The following C6orf89 variants were observed in gnomAD, a reference collection of about 807,000 sequenced individuals.
The protein encoded by C6orf89 is chromosome 6 open reading frame 89.
Under a neutral mutation model 40.7 loss-of-function variants are expected in C6orf89, and 29 were observed. The observed-to-expected ratio is 0.71, with a 90% CI of 0.53 to 0.97. The LOEUF is 0.97. Among genes scored for constraint, C6orf89 ranks in the 50% least tolerant of loss-of-function variants. The pLI, the probability that C6orf89 is intolerant of heterozygous loss-of-function variation, is 0.00. For missense variants in C6orf89, 392 were observed against 429.1 expected, an observed-to-expected ratio of 0.91 and a Z score of 0.76; for synonymous variants, 165 against 152.2, an observed-to-expected ratio of 1.08 and a Z score of -0.62.
intron 1 of C6orf89, among the ~76,000 whole-genome samples, chr6:36,887,577 T>A (rs1430833705): frequency 6.6e-6 from 1 of 152,174 alleles, no homozygotes; most frequent in African/African-American, 2.4e-5. Context: ...GACTAGGCTT[T>A]TTAGGCAGAG....
chr6:36,871,934 T>G, exon 1 of C6orf89: 1 of 1,416,006 alleles, frequency 7.1e-7, no homozygotes. Context: ...AGGAGTATTA[T>G]GGAACTGCTC....
chr6:36,917,316 C>T, intron 7 of C6orf89, among the ~76,000 whole-genome samples: 1 of 152,192 alleles, frequency 6.6e-6, no homozygotes, highest in Non-Finnish European at 1.5e-5. Context: ...AAAGCCCACT[C>T]TGCCCCCATC....
chr6:36,915,056 G>T (rs1762266925), intron 6 of C6orf89, among the ~76,000 whole-genome samples: 1 of 152,114 alleles, frequency 6.6e-6, no homozygotes, highest in Non-Finnish European at 1.5e-5. Flanking sequence ...AGAAATACCT[G>T]CAAAACAGTA....
chr6:36,898,225 G>C (rs1051208250), intron 2 of C6orf89, among the ~76,000 whole-genome samples: 1 of 151,780 alleles, frequency 6.6e-6, no homozygotes, highest in African/African-American at 2.4e-5. Context: ...TGGGACTACA[G>C]GTGTGTGCCA....
intron 1 of C6orf89, among the ~76,000 whole-genome samples, chr6:36,876,024 C>A (rs1031152480): frequency 2.6e-5 from 4 of 152,224 alleles, no homozygotes; most frequent in African/African-American, 9.6e-5. Flanking sequence ...GAACGGAACA[C>A]TACATTTTAA....
At chr6:36,901,312 A>ATTTTTTTTTTTTT (rs1554136270) in intron 3 of C6orf89, among the ~76,000 whole-genome samples, 1 of 64,664 alleles carries the variant, frequency 1.5e-5, no homozygotes, top group African/African-American at 6.6e-5. Context: ...TATTATTATT[A>ATTTTTTTTTTTTT]TTATTATTAT....
In C6orf89 at chr6:36,916,427, T is replaced by C. The variant is rs80341332; in HGVS notation, c.696-18T>C. On this transcript the variant is annotated intron_variant, in intron 6 of 8. Transcript: ENST00000480824. ...TTGACCAGTTTAATTACTTTTTTTCTGTTTCATACTTCTACAGGAGGAGAC... is the reference window on the plus strand; with the variant it reads ...TTGACCAGTTTAATTACTTTTTTTCCGTTTCATACTTCTACAGGAGGAGAC... 8.7e-6 allele frequency: 14 copies of C among 1,613,222 alleles called. No individual in the cohort carries two copies. Among genetic ancestry groups the C allele is most frequent in the Non-Finnish European group, 1.2e-5 (14 of 1,179,356 alleles).
Position 36,901,447 on chromosome 6 carries a change from G to A in C6orf89, c.190-774G>A, listed in dbSNP as rs1456566094. ...TCTCCCAGGTTCACACCATTCTCCT[G>A]CCTCAGCCTCCTGAGTAGCTGAGAC... On this transcript the variant is annotated intron_variant, in intron 3 of 8. Coordinates refer to ENST00000480824, the MANE Select transcript of C6orf89 (RefSeq NM_001286635.2). 2.1e-5 allele frequency among the ~76,000 whole-genome samples: 3 copies of A among 141,414 alleles called. No individual in the cohort carries two copies. In the East Asian group the frequency reaches 6.3e-4, roughly 30 times the overall value. The allele number at this position is 141,414 out of a possible 152,430, so 92.8% of individuals were successfully genotyped here.
At chr6:36,921,578 T>C (rs1561878276) in intron 8 of C6orf89, among the ~76,000 whole-genome samples, 1 of 152,216 alleles carries the variant, frequency 6.6e-6, no homozygotes, top group Non-Finnish European at 1.5e-5. Context: ...AGTTGAATTC[T>C]ACTCAGTGCT....
intron 1 of C6orf89, among the ~76,000 whole-genome samples, chr6:36,877,921 C>G (rs1774703639): frequency 6.6e-6 from 1 of 152,164 alleles, no homozygotes; most frequent in Admixed American, 6.5e-5. Flanking sequence ...ATATCCTGGA[C>G]AGAATATAAC....
At position 36,918,832 on chromosome 6, in the gene C6orf89, C is replaced by T. The variant is rs138073411; in HGVS notation, c.826-746C>T. On this transcript the variant is annotated intron_variant, in intron 7 of 8. Transcript: ENST00000480824. ...TCACAGCTCCTTCCCTGGCACATAG[C>T]AGGTTGCATTTAATGCCTGTTGCTG... Among the ~76,000 whole-genome samples the T allele has an allele frequency of 5.8e-3, 879 of 152,334 alleles. 7 individuals are homozygous for T. The highest frequency in any genetic ancestry group is 0.019 in the African/African-American group (794 of 41,562).
At chr6:36,904,566 A>T (rs1443253485) in intron 4 of C6orf89, among the ~76,000 whole-genome samples, 2 of 152,236 alleles carry the variant, frequency 1.3e-5, no homozygotes, top group African/African-American at 4.8e-5. Flanking sequence ...AAAAACACGT[A>T]ATTATATGAA....
rs560476911 is a variant in C6orf89, at chr6:36,920,710, TC to T, written c.949+1011del. On this transcript the variant is annotated intron_variant, in intron 8 of 8. Transcript: ENST00000480824. ...CAGCTGGCCTGGCTCTTGGGAAACT[TC>T]CTACAAAAACGAGGATTCTTGTATG... is the stretch of plus-strand genomic sequence containing the variant. Among the ~76,000 whole-genome samples, 403 of 152,338 alleles carry T rather than the reference TC, an allele frequency of 2.6e-3. 4 individuals carry two copies. The highest frequency in any genetic ancestry group is 9.0e-3 in the African/African-American group (374 of 41,578).
Position 36,916,535 on chromosome 6 carries a change from G to C in C6orf89, c.786G>C (p.Lys262Asn), listed in dbSNP as rs1019836640. The C allele has an allele frequency of 1.9e-6, 3 of 1,614,182 alleles. No individual in the cohort carries two copies. The highest frequency in any genetic ancestry group is 1.7e-6 in the Non-Finnish European group (2 of 1,180,034). ...LPFPKDASLN[K>N]CSFLHPEPVV... is the part of the protein sequence containing the mutation. The stretch of plus-strand genomic sequence containing the variant: ...TTCCAAAAGATGCCTCTTTAAACAA[G>C]TGCTCCTTTCTTCACCCAGAACCTG... The change falls in exon 7 of 9, where the codon AAG (lysine) becomes AAC (asparagine). Residue 262 changes from lysine (K) to asparagine (N), a missense_variant. Transcript: ENST00000480824.
chr6:36,882,792 C>T (rs968756139), upstream of C6orf89, among the ~76,000 whole-genome samples: 2 of 141,966 alleles, frequency 1.4e-5, no homozygotes, highest in Non-Finnish European at 3.0e-5. Flanking sequence ...CTGCGGACTG[C>T]AGTGGCGCAA....
rs1389250860 is a variant in C6orf89, at chr6:36,927,095, G to A, written c.*3654G>A. On this transcript the variant is annotated 3_prime_UTR_variant, in exon 9 of 9. Coordinates refer to ENST00000480824, the MANE Select transcript of C6orf89 (RefSeq NM_001286635.2). Reference sequence around the variant, plus strand: ...GTGAATGTAGCTGAAACACAACTGTGTCCAGCCATTTTCCTGTCTCCACAT... The same window carrying A: ...GTGAATGTAGCTGAAACACAACTGTATCCAGCCATTTTCCTGTCTCCACAT... 2 of 152,196 alleles carry A rather than the reference G, an allele frequency of 1.3e-5. No homozygotes were observed. Among genetic ancestry groups the A allele is most frequent in the Non-Finnish European group, 2.9e-5 (2 of 68,036 alleles). The allele number at this position is 152,196 out of a possible 1,614,324, so 9.4% of individuals were successfully genotyped here. A position where few individuals can be genotyped will look rare whatever the true frequency, so the allele number is the denominator to read the frequency against.
upstream of C6orf89, chr6:36,883,254 C>G (rs1774874230): frequency 6.6e-6 from 1 of 152,250 alleles, no homozygotes; most frequent in African/African-American, 2.4e-5. Context: ...ATCCACACTA[C>G]AGCAAAACTT....
Position 36,894,514 on chromosome 6 carries a change from A to C in C6orf89, c.-109A>C. On this transcript the variant is annotated 5_prime_UTR_variant, in exon 2 of 9. Coordinates refer to ENST00000480824, the MANE Select transcript of C6orf89 (RefSeq NM_001286635.2). Reference sequence around the variant, plus strand: ...TTACTCTATTTGCAGGAATCATTGTAGTCAATCATTTTCCAGTTCTCAGCC... The same window carrying C: ...TTACTCTATTTGCAGGAATCATTGTCGTCAATCATTTTCCAGTTCTCAGCC... 1.0e-6 allele frequency: 1 copy of C among 985,088 alleles called. No homozygotes were observed. Among genetic ancestry groups the C allele is most frequent in the Non-Finnish European group, 1.2e-6 (1 of 829,588 alleles). The allele number at this position is 985,088 out of a possible 1,614,324, so 61.0% of individuals were successfully genotyped here.
intron 1 of C6orf89, among the ~76,000 whole-genome samples, chr6:36,891,275 A>G (rs1196063001): frequency 1.3e-5 from 2 of 152,220 alleles, no homozygotes; most frequent in Non-Finnish European, 2.9e-5. Flanking sequence ...TAGTTTGCTC[A>G]AAATGATGGT....
Sources: gnomAD v4.1 joint callset for allele counts (sites outside exome capture counted in the v4.1 genomes callset) on GRCh38, gnomAD v4.1.1 for gene constraint, MANE v1.5 for transcripts, NCBI Gene and HGNC (gene_info 2026-07-23, HGNC 2026-07-21) for gene names.